The following CNTNAP2 variants were observed in gnomAD, a reference collection of about 807,000 sequenced individuals.
The protein encoded by CNTNAP2 is contactin-associated protein-like 2.
CNTNAP2 carries 98 observed loss-of-function variants against 155.2 expected under a neutral mutation model. The observed-to-expected ratio is 0.63, with a 90% CI of 0.54 to 0.75. CNTNAP2 has a LOEUF of 0.75. CNTNAP2 is among the 30% of genes least tolerant of loss of function. The pLI, the probability that CNTNAP2 is intolerant of heterozygous loss-of-function variation, is 0.00. For synonymous variants in CNTNAP2, 651 were observed against 631.2 expected, an observed-to-expected ratio of 1.03 and a Z score of -0.47; for missense variants, 1,727 against 1,688.1, an observed-to-expected ratio of 1.02 and a Z score of -0.40.
At chr7:146,845,236 A>G (rs965441348) in intron 3 of CNTNAP2, among the ~76,000 whole-genome samples, 14 of 152,198 alleles carry the variant, frequency 9.2e-5, no homozygotes, top group African/African-American at 1.4e-4. Flanking sequence ...TACATATTCC[A>G]TCAACCAGTA....
intron 3 of CNTNAP2, among the ~76,000 whole-genome samples, chr7:146,985,326 T>C (rs1363900233): frequency 1.7e-5 from 1 of 57,578 alleles, no homozygotes; most frequent in Non-Finnish European, 3.7e-5. Context: ...TTTTTTTTTT[T>C]TTTTTTTTTT....
chr7:146,849,178 C>G (rs757907296), intron 3 of CNTNAP2, among the ~76,000 whole-genome samples: 1 of 152,120 alleles, frequency 6.6e-6, no homozygotes, highest in Non-Finnish European at 1.5e-5. Context: ...TTTGGAAGAA[C>G]CTTGGAGTTT....
chr7:147,653,684 A>AG (rs1795482606), intron 13 of CNTNAP2, among the ~76,000 whole-genome samples: 1 of 152,158 alleles, frequency 6.6e-6, no homozygotes, highest in African/African-American at 2.4e-5. Context: ...CTGCGCAGGA[A>AG]GGCAAGGCCC....
chr7:146,514,816 C>T (rs961714879), intron 1 of CNTNAP2, among the ~76,000 whole-genome samples: 2 of 152,022 alleles, frequency 1.3e-5, no homozygotes, highest in African/African-American at 4.8e-5. Flanking sequence ...TTATTGTAGT[C>T]TTTGCCTTCT....
chr7:148,345,423 C>T (rs921518305), intron 21 of CNTNAP2, among the ~76,000 whole-genome samples: 3 of 152,080 alleles, frequency 2.0e-5, no homozygotes, highest in African/African-American at 4.8e-5. Flanking sequence ...AGTACAGTGA[C>T]GCAATCTCAG....
chr7:146,379,777 A>G (rs1795355545), intron 1 of CNTNAP2, among the ~76,000 whole-genome samples: 1 of 152,064 alleles, frequency 6.6e-6, no homozygotes, highest in Admixed American at 6.5e-5. Flanking sequence ...TTCTATAGGC[A>G]TGTGGGACGA....
chr7:147,243,220 T>A (rs1443397304), intron 8 of CNTNAP2, among the ~76,000 whole-genome samples: 6 of 151,826 alleles, frequency 4.0e-5, no homozygotes, highest in Non-Finnish European at 8.8e-5. Context: ...CTGGTCTCGA[T>A]CTCCTGACCT....
chr7:147,204,828 G>T (rs1319675563), intron 8 of CNTNAP2, among the ~76,000 whole-genome samples: 1 of 152,046 alleles, frequency 6.6e-6, no homozygotes, highest in Non-Finnish European at 1.5e-5. Context: ...AAGCAATTCA[G>T]AAAATCTATT....
At chr7:146,566,164 A>G (rs1798354204) in intron 1 of CNTNAP2, among the ~76,000 whole-genome samples, 1 of 152,314 alleles carries the variant, frequency 6.6e-6, no homozygotes, top group East Asian at 1.9e-4. Flanking sequence ...TCCTTGAACT[A>G]GCAGCTTTAG....
chr7:146,351,022 C>T, intron 1 of CNTNAP2, among the ~76,000 whole-genome samples: 1 of 100,298 alleles, frequency 1.0e-5, no homozygotes, highest in East Asian at 2.9e-4. Flanking sequence ...CACTCTGGGG[C>T]TTGTTGTGGG....
At position 147,770,070 on chromosome 7, in the gene CNTNAP2, A is replaced by C. The variant is rs184437965; in HGVS notation, c.2098+130764A>C. Among the ~76,000 whole-genome samples, 717 of 152,266 alleles carry C rather than the reference A, an allele frequency of 4.7e-3. 6 individuals are homozygous for C. The highest frequency in any genetic ancestry group is 4.7e-3 in the Non-Finnish European group (318 of 68,010). On this transcript the variant is annotated intron_variant, in intron 13 of 23. Coordinates refer to ENST00000361727, the MANE Select transcript of CNTNAP2 (RefSeq NM_014141.6). ...TGTGTGTGTGAGAGACACGATATAC[A>C]CCTGTCCTTTTGAGCAAGAGTCAAA...
intron 19 of CNTNAP2, among the ~76,000 whole-genome samples, chr7:148,227,696 C>G (rs983330967): frequency 1.8e-4 from 28 of 152,124 alleles, no homozygotes; most frequent in Non-Finnish European, 3.8e-4. Flanking sequence ...AGTTGAAATG[C>G]CAGGGGCAAA....
intron 12 of CNTNAP2, among the ~76,000 whole-genome samples, chr7:147,618,479 AAAAC>A (rs1368527867): frequency 3.9e-5 from 6 of 152,278 alleles, no homozygotes; most frequent in African/African-American, 1.4e-4. Context: ...CATGGTTTGA[AAAAC>A]AAAAATAATA....
chr7:146,322,064 T>G (rs1801013410), intron 1 of CNTNAP2, among the ~76,000 whole-genome samples: 1 of 152,110 alleles, frequency 6.6e-6, no homozygotes, highest in South Asian at 2.1e-4. Context: ...CACATGGAAA[T>G]AAATTCATAG....
intron 4 of CNTNAP2, among the ~76,000 whole-genome samples, chr7:147,076,473 G>A (rs901481367): frequency 6.6e-6 from 1 of 152,120 alleles, no homozygotes; most frequent in African/African-American, 2.4e-5. Flanking sequence ...ACTTTTTGAT[G>A]GGGTTGTTTG....
chr7:147,434,515 A>T (rs1797519129), intron 10 of CNTNAP2, among the ~76,000 whole-genome samples: 1 of 152,242 alleles, frequency 6.6e-6, no homozygotes, highest in Non-Finnish European at 1.5e-5. Flanking sequence ...AAGGAAAAAG[A>T]AATCAAGAAT....
intron 1 of CNTNAP2, among the ~76,000 whole-genome samples, chr7:146,620,076 A>G (rs1799292481): frequency 6.6e-6 from 1 of 152,174 alleles, no homozygotes; most frequent in African/African-American, 2.4e-5. Flanking sequence ...ATTTTTATTC[A>G]TCTTAACAGT....
chr7:148,287,595 A>C (rs1797105074), intron 21 of CNTNAP2, among the ~76,000 whole-genome samples: 1 of 152,170 alleles, frequency 6.6e-6, no homozygotes, highest in Non-Finnish European at 1.5e-5. Flanking sequence ...GCTATAACAG[A>C]ATACCCAAGA....
chr7:146,854,626 A>G (rs1794941248), intron 3 of CNTNAP2, among the ~76,000 whole-genome samples: 1 of 152,196 alleles, frequency 6.6e-6, no homozygotes, highest in Admixed American at 6.5e-5. Context: ...ATGTAAATTC[A>G]GCATGATATA....
Sources: allele counts gnomAD v4.1 joint callset (sites outside exome capture counted in the v4.1 genomes callset), GRCh38; gene constraint gnomAD v4.1.1; transcripts MANE v1.5; gene names NCBI Gene and HGNC (gene_info 2026-07-23, HGNC 2026-07-21).